Variants in DYM observed in about 807,000 individuals in gnomAD.
DYM encodes dyggve-Melchior-Clausen syndrome protein.
A neutral mutation model predicts 93.1 loss-of-function variants in DYM; 78 were observed. That is an observed-to-expected ratio of 0.84 (90% confidence interval 0.70 to 1.01). The LOEUF is 1.01. Among genes scored for constraint, DYM ranks in the 50% least tolerant of loss-of-function variants. DYM has a pLI of 0.00. For missense variants in DYM, 789 were observed against 845.0 expected, an observed-to-expected ratio of 0.93 and a Z score of 0.82; for synonymous variants, 321 against 319.7, an observed-to-expected ratio of 1.00 and a Z score of -0.04.
intron 16 of DYM, among the ~76,000 whole-genome samples, chr18:49,100,149 A>G (rs1189651359): frequency 6.6e-6 from 1 of 152,188 alleles, no homozygotes; most frequent in East Asian, 1.9e-4. Flanking sequence ...TGTAAAGGCC[A>G]ATACTATTAG....
At chr18:49,410,515 CA>C (rs113670754) in intron 2 of DYM, among the ~76,000 whole-genome samples, 13,925 of 138,746 alleles carry the variant, frequency 0.1, 822 homozygotes, top group East Asian at 0.33. Flanking sequence ...ACCACAACCT[CA>C]AAAAAAAAAA....
At chr18:49,271,364 A>AAT (rs2094693784) in intron 11 of DYM, among the ~76,000 whole-genome samples, 1 of 152,196 alleles carries the variant, frequency 6.6e-6, no homozygotes, top group African/African-American at 2.4e-5. Flanking sequence ...CAAAAATGGT[A>AAT]ATAAGATGGA....
chr18:49,420,646 T>C (rs2073574322), intron 2 of DYM, among the ~76,000 whole-genome samples: 1 of 152,084 alleles, frequency 6.6e-6, no homozygotes, highest in Admixed American at 6.5e-5. Context: ...CTGGTTCATC[T>C]CACTGGGGCT....
At chr18:49,447,359 A>C (rs2082178416) in intron 1 of DYM, 1 of 152,226 alleles carries the variant, frequency 6.6e-6, no homozygotes, top group South Asian at 2.1e-4. Context: ...TAACCCACCC[A>C]CATGTCCGTG....
chr18:49,122,084 A>G lies in DYM; in HGVS notation c.1729-3158T>C, dbSNP rs78252660. Among the ~76,000 whole-genome samples, 99 of 152,338 alleles carry G rather than the reference A, an allele frequency of 6.5e-4. No individual in the cohort carries two copies. In the East Asian group the frequency reaches 0.017, roughly 26 times the overall value. Reference sequence around the variant, plus strand: ...TATATATGTAAAACATGTAAAATATATCATAACATTCTGCTGATGGACATC... The same window carrying G: ...TATATATGTAAAACATGTAAAATATGTCATAACATTCTGCTGATGGACATC... On this transcript the variant is annotated intron_variant, in intron 15 of 17. Coordinates refer to ENST00000675505, the MANE Select transcript of DYM (RefSeq NM_001353214.3).
chr18:49,252,411 G>A (rs12051951), intron 13 of DYM, among the ~76,000 whole-genome samples: 3 of 151,788 alleles, frequency 2.0e-5, no homozygotes, highest in Admixed American at 6.6e-5. Context: ...CAAGGGAGAA[G>A]AGCCCCTTGT....
At chr18:49,108,391 G>T (rs1315143825) in intron 16 of DYM, among the ~76,000 whole-genome samples, 1 of 152,190 alleles carries the variant, frequency 6.6e-6, no homozygotes, top group Non-Finnish European at 1.5e-5. Flanking sequence ...CGGCTCACGC[G>T]CAGTGCGCTG....
chr18:49,083,709 T>C (rs1392322673), intron 17 of DYM, among the ~76,000 whole-genome samples: 1 of 152,204 alleles, frequency 6.6e-6, no homozygotes, highest in Non-Finnish European at 1.5e-5. Flanking sequence ...TAATATTTCT[T>C]TTTAAGTCAG....
intron 14 of DYM, among the ~76,000 whole-genome samples, chr18:49,198,942 A>G (rs894843844): frequency 2.0e-5 from 3 of 152,006 alleles, no homozygotes; most frequent in South Asian, 2.1e-4. Flanking sequence ...TGTTTATTGC[A>G]GCACTATTCA....
chr18:49,460,017 G>A (rs146043125), intron 1 of DYM, among the ~76,000 whole-genome samples: 1 of 152,192 alleles, frequency 6.6e-6, no homozygotes, highest in Non-Finnish European at 1.5e-5. Context: ...CTTTTAAAGG[G>A]TTAATTTTCT....
chr18:49,401,895 G>T (rs894001564), intron 2 of DYM, among the ~76,000 whole-genome samples: 4 of 151,924 alleles, frequency 2.6e-5, no homozygotes, highest in African/African-American at 4.8e-5. Context: ...GTGTGGTGAT[G>T]CGCACCTGTA....
At chr18:49,384,978 C>T (rs2068447319) in intron 3 of DYM, among the ~76,000 whole-genome samples, 1 of 150,468 alleles carries the variant, frequency 6.6e-6, no homozygotes, top group Admixed American at 6.6e-5. Flanking sequence ...ATCAAAACAC[C>T]TCATCAAATT....
At chr18:49,309,918 C>T (rs1371247778) in intron 8 of DYM, among the ~76,000 whole-genome samples, 1 of 152,160 alleles carries the variant, frequency 6.6e-6, no homozygotes, top group Non-Finnish European at 1.5e-5. Flanking sequence ...ATCCAGACGG[C>T]ATGGACCCAG....
intron 5 of DYM, among the ~76,000 whole-genome samples, chr18:49,369,085 G>A (rs1001933771): frequency 2.0e-5 from 3 of 152,352 alleles, no homozygotes; most frequent in East Asian, 1.9e-4. Context: ...TTCACTAGGG[G>A]ACGCTGAAAT....
At chr18:49,228,314 A>T (rs1339715690) in intron 13 of DYM, among the ~76,000 whole-genome samples, 1 of 152,156 alleles carries the variant, frequency 6.6e-6, no homozygotes, top group East Asian at 1.9e-4. Context: ...TCAGAGTCAT[A>T]ACCATAAACA....
intron 14 of DYM, among the ~76,000 whole-genome samples, chr18:49,202,985 C>T (rs1386447390): frequency 1.1e-5 from 1 of 88,772 alleles, no homozygotes; most frequent in African/African-American, 4.1e-5. Context: ...GCCAGCCGTG[C>T]CATCCGGGAG....
chr18:49,130,162 G>C (rs529708782), intron 15 of DYM, among the ~76,000 whole-genome samples: 13 of 152,308 alleles, frequency 8.5e-5, no homozygotes, highest in Admixed American at 3.3e-4. Flanking sequence ...TAGGACAACA[G>C]AGAGGTCTCT....
intron 1 of DYM, among the ~76,000 whole-genome samples, chr18:49,431,378 A>C (rs561563890): frequency 3.9e-5 from 6 of 152,204 alleles, no homozygotes; most frequent in Non-Finnish European, 8.8e-5. Context: ...CTAGCATGTA[A>C]AAAATTCCCT....
At chr18:49,355,695 C>T (rs927320696) in intron 6 of DYM, among the ~76,000 whole-genome samples, 3 of 152,120 alleles carry the variant, frequency 2.0e-5, no homozygotes, top group African/African-American at 7.2e-5. Context: ...ACATTAATAA[C>T]TGCAAATTTT....
Sources: gnomAD v4.1 joint callset for allele counts (sites outside exome capture counted in the v4.1 genomes callset) on GRCh38, gnomAD v4.1.1 for gene constraint, MANE v1.5 for transcripts, NCBI Gene and HGNC (gene_info 2026-07-23, HGNC 2026-07-21) for gene names.